FOXP1: variants seen among roughly 807,000 people sequenced by gnomAD.
FOXP1 encodes the protein forkhead box P1, also known as forkhead box protein P1.
A neutral mutation model predicts 98.2 loss-of-function variants in FOXP1; 15 were observed. The observed-to-expected ratio is 0.15, with a 90% CI of 0.10 to 0.24. The LOEUF (loss-of-function observed/expected upper bound fraction) is 0.24, where lower values mean the gene tolerates loss of function less well. Among genes scored for constraint, FOXP1 ranks in the 10% least tolerant of loss-of-function variants. The probability of loss-of-function intolerance (pLI) is 1.00; values close to 1 mark genes in which losing one functional copy is unlikely to be tolerated. For missense variants in FOXP1, 633 were observed against 848.5 expected (o/e 0.75, Z 3.15); for synonymous variants, 371 against 314.5 (o/e 1.18, Z -1.90).
Position 71,006,600 on chromosome 3 carries a change from T to C in FOXP1, c.975-5541A>G, listed in dbSNP as rs1184088552. On this transcript the variant is annotated intron_variant, in intron 12 of 20. Transcript: ENST00000649528. ...TTACCATTTAGACATGGCCATAATA[T>C]GGTAGACAGTGTCAATAAAAGTATG... 2.0e-5 allele frequency among the ~76,000 whole-genome samples: 3 copies of C among 152,292 alleles called. No individual in the cohort carries two copies. In the East Asian group the frequency reaches 5.8e-4, roughly 29 times the overall value.
chr3:71,453,731 A>C (rs2087171171), intron 3 of FOXP1, among the ~76,000 whole-genome samples: 1 of 152,202 alleles, frequency 6.6e-6, no homozygotes, highest in South Asian at 2.1e-4. Flanking sequence ...TTTAGAGTTA[A>C]GCCCTCTGAT....
chr3:71,186,733 T>C (rs547439874), intron 6 of FOXP1, among the ~76,000 whole-genome samples: 1 of 151,878 alleles, frequency 6.6e-6, no homozygotes, highest in Admixed American at 6.6e-5. Context: ...AACAAACAAA[T>C]ATATATAGTA....
chr3:71,128,261 C>G (rs986257398), intron 6 of FOXP1, among the ~76,000 whole-genome samples: 1 of 148,468 alleles, frequency 6.7e-6, no homozygotes, highest in Admixed American at 6.7e-5. Flanking sequence ...TGAATGCCTA[C>G]ATATTAAGAA....
chr3:71,410,988 T>A (rs1194290269), intron 3 of FOXP1, among the ~76,000 whole-genome samples: 1 of 152,196 alleles, frequency 6.6e-6, no homozygotes, highest in African/African-American at 2.4e-5. Flanking sequence ...AGCTGTTTAC[T>A]CCCAGAGATG....
intron 8 of FOXP1, 119 bp downstream of exon 8, chr3:71,053,517 G>T (rs550485214): frequency 2.1e-4 from 267 of 1,249,476 alleles, no homozygotes; most frequent in Non-Finnish European, 2.9e-4. Context: ...CCCCACCCAC[G>T]CTGCTTTACT....
chr3:71,348,602 G>T (rs1011987634), intron 4 of FOXP1, among the ~76,000 whole-genome samples: 1 of 151,488 alleles, frequency 6.6e-6, no homozygotes, highest in Non-Finnish European at 1.5e-5. Context: ...ATGCAGGTGT[G>T]TATGTGTGTG....
chr3:71,276,464 C>T (rs914574035), intron 5 of FOXP1: 1 of 152,132 alleles, frequency 6.6e-6, no homozygotes, highest in African/African-American at 2.4e-5. Context: ...TCTCAACACG[C>T]TACTCACTCA....
In FOXP1 at chr3:70,970,716, G is replaced by C; in HGVS notation, c.1722+20C>G. On this transcript the variant is annotated intron_variant, in intron 19 of 20. Transcript: ENST00000649528. ...AGACCTGTGCCTCTGCTGCATATTC[G>C]GGACGGCCGTTAATCTTACCTGTAA... 6.3e-7 allele frequency: 1 copy of C among 1,598,396 alleles called. No individual in the cohort carries two copies. Among genetic ancestry groups the C allele is most frequent in the South Asian group, 1.1e-5 (1 of 90,754 alleles).
intron 5 of FOXP1, among the ~76,000 whole-genome samples, chr3:71,219,466 C>A (rs192470139): frequency 6.6e-6 from 1 of 152,156 alleles, no homozygotes; most frequent in African/African-American, 2.4e-5. Context: ...CTAATTCAGT[C>A]ATCAGAAAAT....
chr3:71,200,394 AT>A (rs1358897799), intron 5 of FOXP1, among the ~76,000 whole-genome samples: 3 of 152,224 alleles, frequency 2.0e-5, no homozygotes, highest in African/African-American at 7.2e-5. Context: ...TCCACAAGTT[AT>A]TTAGTTTGTC....
intron 3 of FOXP1, among the ~76,000 whole-genome samples, chr3:71,380,295 G>A (rs924503407): frequency 1.2e-4 from 18 of 152,146 alleles, no homozygotes; most frequent in African/African-American, 4.3e-4. Context: ...GTGAGCCGCA[G>A]GTTCTAATTT....
intron 3 of FOXP1, among the ~76,000 whole-genome samples, chr3:71,448,913 A>T (rs2086692149): frequency 1.3e-5 from 2 of 152,230 alleles, no homozygotes; most frequent in African/African-American, 4.8e-5. Context: ...TTGCAACTGT[A>T]CAACTTAGTA....
intron 3 of FOXP1, among the ~76,000 whole-genome samples, chr3:71,413,567 A>G (rs1159356607): frequency 6.6e-6 from 1 of 152,216 alleles, no homozygotes; most frequent in Non-Finnish European, 1.5e-5. Flanking sequence ...TGAAAAGACA[A>G]CATATTTAAC....
chr3:71,123,225 C>T (rs190043452), intron 6 of FOXP1, among the ~76,000 whole-genome samples: 41 of 152,296 alleles, frequency 2.7e-4, no homozygotes, highest in African/African-American at 9.6e-4. Context: ...TATCCCTAGA[C>T]CCAAGGGACC....
chr3:71,099,021 C>A (rs1224777915), intron 7 of FOXP1, among the ~76,000 whole-genome samples: 1 of 152,144 alleles, frequency 6.6e-6, no homozygotes, highest in Non-Finnish European at 1.5e-5. Context: ...CATAACAACA[C>A]CATGGGATAA....
At chr3:71,429,174 C>A (rs1208568588) in intron 3 of FOXP1, among the ~76,000 whole-genome samples, 1 of 152,114 alleles carries the variant, frequency 6.6e-6, no homozygotes, top group Non-Finnish European at 1.5e-5. Context: ...AGTTATCACC[C>A]ACAACCTCGC....
intron 3 of FOXP1, among the ~76,000 whole-genome samples, chr3:71,429,923 T>C (rs1442882332): frequency 2.6e-5 from 4 of 152,200 alleles, no homozygotes; most frequent in Non-Finnish European, 5.9e-5. Flanking sequence ...TCCTCAAACA[T>C]ATTTGCATAT....
intron 4 of FOXP1, among the ~76,000 whole-genome samples, chr3:71,352,605 T>G (rs1260083837): frequency 6.6e-6 from 1 of 152,060 alleles, no homozygotes; most frequent in Non-Finnish European, 1.5e-5. Context: ...CTTCCTCACC[T>G]GTAAAATGAA....
intron 12 of FOXP1, among the ~76,000 whole-genome samples, chr3:71,001,482 T>C (rs2042118950): frequency 6.6e-6 from 1 of 152,118 alleles, no homozygotes. Context: ...TACATCCATA[T>C]ACTGAAATGC....
Sources: allele counts gnomAD v4.1 joint callset (sites outside exome capture counted in the v4.1 genomes callset), GRCh38; gene constraint gnomAD v4.1.1; transcripts MANE v1.5; gene names NCBI Gene and HGNC (gene_info 2026-07-23, HGNC 2026-07-21).